The following PTPRK variants were observed in gnomAD, a reference collection of about 807,000 sequenced individuals.
PTPRK encodes the protein receptor-type tyrosine-protein phosphatase kappa.
A neutral mutation model predicts 178.0 loss-of-function variants in PTPRK; 75 were observed. The ratio of observed to expected loss-of-function variants is 0.42; its 90% confidence interval spans 0.35 to 0.51. The LOEUF is 0.51. PTPRK is among the 20% of genes least tolerant of loss of function. The pLI is 0.02. For missense variants in PTPRK, 1,441 were observed against 1,797.8 expected (o/e 0.80, Z 3.59); for synonymous variants, 637 against 620.6 (o/e 1.03, Z -0.39).
chr6:128,218,179 T>C (rs936162000), intron 6 of PTPRK, among the ~76,000 whole-genome samples: 2 of 152,194 alleles, frequency 1.3e-5, no homozygotes, highest in East Asian at 1.9e-4. Context: ...CTATATAGTC[T>C]GCCTAACATA....
At position 127,985,753 on chromosome 6, in the gene PTPRK, A is replaced by G. The variant is rs751065261; in HGVS notation, c.3219T>C (p.Pro1073=). ...SFIRRVKLSN[P]PSAGPIVVHC... is the part of the protein sequence containing the mutation. Reference sequence around the variant, plus strand: ...GTACAACGATGGGGCCAGCACTGGGAGGGTTTGATAACTTGACTCGCCGGA... The same window carrying G: ...GTACAACGATGGGGCCAGCACTGGGGGGGTTTGATAACTTGACTCGCCGGA... The change falls in exon 22 of 30, where the codon CCT becomes CCC. Residue 1073 remains proline (P), a synonymous_variant. Transcript: ENST00000368226. 4.3e-6 allele frequency: 7 copies of G among 1,613,924 alleles called. 1 individual carries two copies. The South Asian group carries it at 7.7e-5, about 18-fold the overall frequency.
chr6:128,517,638 A>G (rs1444483371), intron 1 of PTPRK, among the ~76,000 whole-genome samples: 2 of 152,102 alleles, frequency 1.3e-5, no homozygotes, highest in Non-Finnish European at 2.9e-5. Flanking sequence ...TAATGAAAAC[A>G]CTCTTACATT....
At chr6:128,036,976 C>T (rs1338065413) in intron 13 of PTPRK, among the ~76,000 whole-genome samples, 1 of 152,158 alleles carries the variant, frequency 6.6e-6, no homozygotes, top group Non-Finnish European at 1.5e-5. Context: ...AGGTGATTTG[C>T]CTGCCTTGGC....
intron 7 of PTPRK, among the ~76,000 whole-genome samples, chr6:128,144,513 C>CT (rs1275887411): frequency 1.3e-5 from 2 of 152,158 alleles, no homozygotes; most frequent in African/African-American, 4.8e-5. Flanking sequence ...ATCTTTTTCA[C>CT]TTCAGTAATC....
At chr6:128,423,873 C>T (rs1015429982) in intron 1 of PTPRK, among the ~76,000 whole-genome samples, 4 of 151,682 alleles carry the variant, frequency 2.6e-5, no homozygotes, top group Non-Finnish European at 4.4e-5. Context: ...TAAAAAATAA[C>T]ATGGATTAAT....
intron 7 of PTPRK, among the ~76,000 whole-genome samples, chr6:128,124,764 C>T (rs1793060982): frequency 6.6e-6 from 1 of 152,182 alleles, no homozygotes; most frequent in Non-Finnish European, 1.5e-5. Flanking sequence ...CAGCTGGAGA[C>T]CTGAATAGAC....
At chr6:128,264,914 T>C (rs942496232) in intron 3 of PTPRK, among the ~76,000 whole-genome samples, 1 of 152,154 alleles carries the variant, frequency 6.6e-6, no homozygotes, top group African/African-American at 2.4e-5. Flanking sequence ...AGCTCTCTCT[T>C]TGCCTGCTGC....
At chr6:128,518,890 G>C (rs575415313) in intron 1 of PTPRK, 1 of 436,014 alleles carries the variant, frequency 2.3e-6, no homozygotes, top group South Asian at 1.7e-5. Context: ...AATGGGGCGG[G>C]GGTAGGAGAG....
At chr6:128,347,790 A>T (rs1237922593) in intron 2 of PTPRK, among the ~76,000 whole-genome samples, 3 of 152,286 alleles carry the variant, frequency 2.0e-5, no homozygotes, top group Non-Finnish European at 4.4e-5. Context: ...AAACTTTTTA[A>T]GAAATCTAAA....
At chr6:128,159,339 C>A (rs942150030) in intron 7 of PTPRK, among the ~76,000 whole-genome samples, 1 of 151,698 alleles carries the variant, frequency 6.6e-6, no homozygotes, top group Non-Finnish European at 1.5e-5. Flanking sequence ...GATCAAAGCC[C>A]CAGACTAGGA....
rs1327060404 is a variant in PTPRK, at chr6:127,989,356, C to A, written c.3096+1413G>T. 2.0e-5 allele frequency among the ~76,000 whole-genome samples: 3 copies of A among 150,510 alleles called. No individual in the cohort carries two copies. In the Admixed American group the frequency reaches 2.0e-4, roughly 10 times the overall value. ...ATACATATTTTACAGTTACAATAAT[C>A]ATGATTATGTTGTTCTGTATAATGC... On this transcript the variant is annotated intron_variant, in intron 21 of 29. Coordinates refer to ENST00000368226, the MANE Select transcript of PTPRK (RefSeq NM_002844.4).
chr6:128,473,077 C>G (rs1483583460), intron 1 of PTPRK, among the ~76,000 whole-genome samples: 2 of 152,052 alleles, frequency 1.3e-5, no homozygotes, highest in Non-Finnish European at 2.9e-5. Context: ...AATTTCCAGT[C>G]TAGGATTCAA....
chr6:128,388,047 C>T (rs1839017316), intron 2 of PTPRK, among the ~76,000 whole-genome samples: 1 of 152,010 alleles, frequency 6.6e-6, no homozygotes, highest in African/African-American at 2.4e-5. Flanking sequence ...ATGTGGCCCA[C>T]AGGTTAGACA....
At position 128,516,670 on chromosome 6, in the gene PTPRK, G is replaced by C. The variant is rs9491979; in HGVS notation, c.100+3589C>G. ...CATTCTAAGTGCACATCAACAGGGT[G>C]ACATGTCAGGAACTATAGACAAAGC... On this transcript the variant is annotated intron_variant, in intron 1 of 29. Coordinates refer to ENST00000368226, the MANE Select transcript of PTPRK (RefSeq NM_002844.4). Among the ~76,000 whole-genome samples, 1,287 of 152,236 alleles carry C rather than the reference G, an allele frequency of 8.5e-3. 21 individuals carry two copies. Among genetic ancestry groups the C allele is most frequent in the African/African-American group, 0.03 (1,242 of 41,528 alleles).
chr6:128,519,101 C>T lies in PTPRK; in HGVS notation c.100+1158G>A, dbSNP rs752699990. 1.9e-6 allele frequency: 1 copy of T among 531,308 alleles called. No homozygotes were observed. The highest frequency in any genetic ancestry group is 3.9e-6 in the Non-Finnish European group (1 of 259,098). The allele number at this position is 531,308 out of a possible 1,614,324, so 32.9% of individuals were successfully genotyped here. On this transcript the variant is annotated intron_variant, in intron 1 of 29. Transcript: ENST00000368226. The surrounding 1 kb of genome is among the most constrained non-coding windows in gnomAD (Gnocchi z 4.3). ...GCCACCACTGCGTCTCCATCTGCAC[C>T]GCGAACCCCAGCAGCAGATGCGCTC...
At chr6:128,095,928 T>A (rs1787839566) in intron 7 of PTPRK, among the ~76,000 whole-genome samples, 2 of 152,330 alleles carry the variant, frequency 1.3e-5, no homozygotes, top group Non-Finnish European at 2.9e-5. Flanking sequence ...ATAGGAACTG[T>A]TAACATTACC....
intron 6 of PTPRK, among the ~76,000 whole-genome samples, chr6:128,191,685 CA>C (rs1375100104): frequency 6.6e-6 from 1 of 151,562 alleles, no homozygotes; most frequent in Non-Finnish European, 1.5e-5. Context: ...TAAATATATT[CA>C]ATTTTATTTG....
At chr6:128,456,931 C>A (rs1317149371) in intron 1 of PTPRK, among the ~76,000 whole-genome samples, 1 of 152,026 alleles carries the variant, frequency 6.6e-6, no homozygotes, top group Non-Finnish European at 1.5e-5. Flanking sequence ...TTCTATTTCC[C>A]TTTCTTAAAG....
At chr6:128,482,419 G>T (rs890704036) in intron 1 of PTPRK, among the ~76,000 whole-genome samples, 8 of 152,138 alleles carry the variant, frequency 5.3e-5, no homozygotes, top group Non-Finnish European at 1.2e-4. Flanking sequence ...ATGAGATGTG[G>T]TCATGAGACA....
Sources: gnomAD v4.1 joint callset for allele counts (sites outside exome capture counted in the v4.1 genomes callset) on GRCh38, gnomAD v4.1.1 for gene constraint, Gnocchi (gnomAD v3.1) non-coding constraint, MANE v1.5 for transcripts, NCBI Gene and HGNC (gene_info 2026-07-23, HGNC 2026-07-21) for gene names.